The following CCDC158 variants were observed in gnomAD, a reference collection of about 807,000 sequenced individuals.
CCDC158 encodes the protein coiled-coil domain containing 158.
In CCDC158, 116 loss-of-function variants were observed where a neutral mutation model predicts 138.6. That is an observed-to-expected ratio of 0.84 (90% confidence interval 0.72 to 0.98). The LOEUF is 0.98. CCDC158 is among the 50% of genes least tolerant of loss of function. The pLI, the probability that CCDC158 is intolerant of heterozygous loss-of-function variation, is 0.00. For synonymous variants in CCDC158, 436 were observed against 442.4 expected, an observed-to-expected ratio of 0.99 and a Z score of 0.18; for missense variants, 1,265 against 1,306.1, an observed-to-expected ratio of 0.97 and a Z score of 0.48.
At chr4:76,318,704 C>CA (rs982760415) in intron 24 of CCDC158, among the ~76,000 whole-genome samples, 7 of 151,862 alleles carry the variant, frequency 4.6e-5, no homozygotes, top group Admixed American at 2.0e-4. Context: ...AAGGACATAA[C>CA]AAAAAAAGAA....
At chr4:76,341,294 G>T (rs1249689485) in intron 18 of CCDC158, among the ~76,000 whole-genome samples, 1 of 152,056 alleles carries the variant, frequency 6.6e-6, no homozygotes, top group East Asian at 1.9e-4. Context: ...AAAGATAGAA[G>T]ATAAATGAAA....
intron 18 of CCDC158, among the ~76,000 whole-genome samples, chr4:76,335,000 A>T (rs1420749740): frequency 6.6e-6 from 1 of 152,164 alleles, no homozygotes; most frequent in African/African-American, 2.4e-5. Flanking sequence ...CCACTAATAA[A>T]CCAATATAAT....
At position 76,384,164 on chromosome 4, in the gene CCDC158, C is replaced by G. The variant is rs777337362; in HGVS notation, c.650G>C (p.Ser217Thr). The part of the protein sequence containing the change: ...HDSMSTLHFR[S>T]LGSAISKILR... Reference sequence around the variant, plus strand: ...TATTTTACTAATAGCTGAGCCCAAGCTGCGGAAGTGCAGAGTAGACATGCT... The same window carrying G: ...TATTTTACTAATAGCTGAGCCCAAGGTGCGGAAGTGCAGAGTAGACATGCT... Residue 217 changes from serine (S) to threonine (T), a missense_variant, in exon 6 of 25, where the codon AGC becomes ACC. Physicochemically the swap from Ser to Thr is moderately conservative, Grantham distance 58. Coordinates refer to ENST00000682701, the MANE Select transcript of CCDC158 (RefSeq NM_001394954.1). The G allele has an allele frequency of 1.2e-6, 2 of 1,613,992 alleles. No homozygotes were observed. Among genetic ancestry groups the G allele is most frequent in the Admixed American group, 3.3e-5 (2 of 60,002 alleles).
intron 9 of CCDC158, 137 bp downstream of exon 9, chr4:76,379,153 T>C (rs999053339): frequency 2.4e-6 from 1 of 418,448 alleles, no homozygotes; most frequent in Non-Finnish European, 4.3e-6. Context: ...TAATTTAGCA[T>C]GCTCTTACTC....
At chr4:76,401,247 A>C (rs1177867572) in intron 3 of CCDC158, 3 of 417,630 alleles carry the variant, frequency 7.2e-6, no homozygotes, top group Non-Finnish European at 1.4e-5. Flanking sequence ...GCACTCCCAC[A>C]AGCATGGTGA....
rs532684999 is a variant in CCDC158 at position 76,396,573 on chromosome 4, G to A, written c.71-87C>T. The A allele has an allele frequency of 3.6e-4, 349 of 961,872 alleles. 5 individuals carry two copies. The South Asian group carries it at 4.3e-3, about 12-fold the overall frequency. The allele number at this position is 961,872 out of a possible 1,614,324, so 59.6% of individuals were successfully genotyped here. ...ATTGCCCAGGCTGGAGTGCAATGGC[G>A]CGATCTTGCTCACTGCAACCTCTGC... is the stretch of plus-strand genomic sequence containing the variant. On this transcript the variant is annotated intron_variant, in intron 3 of 24. Coordinates refer to ENST00000682701, the MANE Select transcript of CCDC158 (RefSeq NM_001394954.1).
At chr4:76,319,771 C>T (rs776260015) in intron 24 of CCDC158, among the ~76,000 whole-genome samples, 40 of 151,872 alleles carry the variant, frequency 2.6e-4, no homozygotes, top group Middle Eastern at 6.8e-3. Context: ...TCGGCAAAAT[C>T]GGCACAGATG....
chr4:76,325,857 C>T lies in CCDC158; in HGVS notation c.3169G>A (p.Asp1057Asn). 6.2e-7 allele frequency: 1 copy of T among 1,606,614 alleles called. No individual in the cohort carries two copies. The highest frequency in any genetic ancestry group is 8.5e-7 in the Non-Finnish European group (1 of 1,177,330). Residue 1057 changes from aspartate to asparagine, a missense_variant and splice_region_variant, in exon 23 of 25, where the codon GAT becomes AAT. Transcript: ENST00000682701. ...GTCAATGATATCAGATCTTTCTTACCTTTAACAGAATCAGATGAATGAATA... is the reference window on the plus strand; with the variant it reads ...GTCAATGATATCAGATCTTTCTTACTTTTAACAGAATCAGATGAATGAATA... ...KPIHSSDSVK[D>N]SQSPPIETTG...
At chr4:76,356,576 T>G (rs1723589255) in intron 14 of CCDC158, 1 of 152,114 alleles carries the variant, frequency 6.6e-6, no homozygotes, top group African/African-American at 2.4e-5. Flanking sequence ...CCCAACAAGT[T>G]TATCTGTGTT....
chr4:76,331,266 G>A lies in CCDC158; in HGVS notation c.2942+78C>T, dbSNP rs562772829. The A allele has an allele frequency of 2.7e-4, 344 of 1,273,904 alleles. 14 individuals carry two copies. In the South Asian group the frequency reaches 3.7e-3, roughly 14 times the overall value. 78.9% of individuals were successfully genotyped at this position (1,273,904 alleles called of 1,614,324 possible). On this transcript the variant is annotated intron_variant, in intron 21 of 24. Coordinates refer to ENST00000682701, the MANE Select transcript of CCDC158 (RefSeq NM_001394954.1). ...CTACTGCAGTGCATGGCACATTACA[G>A]ACAGTTAAAGATCTTTTGAATTAAT...
chr4:76,357,691 C>A (rs1723714389), intron 13 of CCDC158, among the ~76,000 whole-genome samples, 165 bp from the exon 14 acceptor site: 1 of 152,156 alleles, frequency 6.6e-6, no homozygotes, highest in Non-Finnish European at 1.5e-5. Context: ...TACACAATTC[C>A]AGGGATATGA....
chr4:76,323,406 G>A lies in CCDC158; in HGVS notation c.3173C>T (p.Ser1058Leu). 1.9e-6 allele frequency: 3 copies of A among 1,605,290 alleles called. No homozygotes were observed. In the South Asian group the frequency reaches 3.4e-5, roughly 18 times the overall value. Residue 1058 changes from serine (S) to leucine (L), a missense_variant, in exon 24 of 25, where the codon TCA becomes TTA. Ser to Leu is a moderately radical substitution (Grantham distance 145). Transcript: ENST00000682701. ...TGTTGTTTCTATTGGCGGAGACTGT[G>A]AATCTATTAGAAAATTGCTTAGATG... ...PIHSSDSVKD[S>L]QSPPIETTGK... is the part of the protein sequence containing the mutation.
At chr4:76,406,187 G>A (rs185659953) in intron 2 of CCDC158, among the ~76,000 whole-genome samples, 15 of 152,244 alleles carry the variant, frequency 9.9e-5, no homozygotes, top group East Asian at 1.9e-4. Context: ...AAGAAAGCAC[G>A]GGTTAAAATC....
chr4:76,409,888 A>G (rs914347955), intron 2 of CCDC158, among the ~76,000 whole-genome samples: 2 of 151,448 alleles, frequency 1.3e-5, no homozygotes, highest in Admixed American at 1.3e-4. Context: ...ATTCTACTCT[A>G]GTTATTTGAT....
Position 76,355,451 on chromosome 4 carries a change from G to C in CCDC158, c.2174-15C>G, listed in dbSNP as rs1215050997. On this transcript the variant is annotated splice_polypyrimidine_tract_variant and intron_variant, in intron 14 of 24. Transcript: ENST00000682701. ...CACTTTCATAGCTGGAAAAAAAAAA[G>C]AGGCAAACTATGCCTTAGGTTCTTA... 1.1e-5 allele frequency: 16 copies of C among 1,505,918 alleles called. No individual in the cohort carries two copies. The South Asian group carries it at 1.6e-4, about 15-fold the overall frequency. The allele number at this position is 1,505,918 out of a possible 1,614,324, so 93.3% of individuals were successfully genotyped here. A position where few individuals can be genotyped will look rare whatever the true frequency, so the allele number is the denominator to read the frequency against.
intron 18 of CCDC158, among the ~76,000 whole-genome samples, chr4:76,348,577 A>G (rs777614584): frequency 1.3e-5 from 2 of 152,180 alleles, no homozygotes; most frequent in Admixed American, 6.5e-5. Flanking sequence ...CACGTGGACC[A>G]TAACATATAC....
chr4:76,333,151 T>C (rs1408598781), intron 19 of CCDC158, among the ~76,000 whole-genome samples: 1 of 152,240 alleles, frequency 6.6e-6, no homozygotes, highest in Non-Finnish European at 1.5e-5. Context: ...AATGTTTTAC[T>C]ATTATTACTA....
At chr4:76,337,253 G>T (rs1329542805) in intron 18 of CCDC158, among the ~76,000 whole-genome samples, 1 of 152,110 alleles carries the variant, frequency 6.6e-6, no homozygotes, top group Non-Finnish European at 1.5e-5. Flanking sequence ...GCCTCCCAAA[G>T]TGCTCCCATG....
chr4:76,399,507 C>G (rs913625431), intron 3 of CCDC158, among the ~76,000 whole-genome samples: 2 of 152,014 alleles, frequency 1.3e-5, no homozygotes, highest in Non-Finnish European at 2.9e-5. Flanking sequence ...AAAAAGCTGT[C>G]CATTGGACTT....
Sources: gnomAD v4.1 joint callset for allele counts (sites outside exome capture counted in the v4.1 genomes callset) on GRCh38, gnomAD v4.1.1 for gene constraint, MANE v1.5 for transcripts, NCBI Gene and HGNC (gene_info 2026-07-23, HGNC 2026-07-21) for gene names.